Variants in GRXCR1 observed in about 807,000 individuals in gnomAD.
GRXCR1 encodes glutaredoxin and cysteine rich domain containing 1, also known as glutaredoxin domain-containing cysteine-rich protein 1.
A neutral mutation model predicts 27.3 loss-of-function variants in GRXCR1; 27 were observed. The ratio of observed to expected loss-of-function variants is 0.99; its 90% CI spans 0.73 to 1.37. The LOEUF (loss-of-function observed/expected upper bound fraction) is 1.37. Ranked by LOEUF, GRXCR1 falls within the 40% of genes most tolerant of loss-of-function variation. The probability of loss-of-function intolerance (pLI) is 0.00; values close to 1 mark genes in which losing one functional copy is unlikely to be tolerated. For missense variants in GRXCR1, 379 were observed against 354.4 expected, an observed-to-expected ratio of 1.07 and a Z score of -0.56; for synonymous variants, 122 against 131.1, an observed-to-expected ratio of 0.93 and a Z score of 0.47.
intron 1 of GRXCR1, among the ~76,000 whole-genome samples, chr4:42,903,666 C>T (rs1468822013): frequency 6.8e-6 from 1 of 147,830 alleles, no homozygotes; most frequent in East Asian, 2.3e-4. Flanking sequence ...TGCCCCTTCC[C>T]ATTTTTCTTT....
At chr4:42,918,094 C>T (rs1216136068) in intron 1 of GRXCR1, among the ~76,000 whole-genome samples, 1 of 152,108 alleles carries the variant, frequency 6.6e-6, no homozygotes, top group Non-Finnish European at 1.5e-5. Context: ...TGGTCTTTCT[C>T]ATAGTTCTGG....
chr4:42,987,119 A>T (rs1254748946), intron 2 of GRXCR1, among the ~76,000 whole-genome samples: 1 of 149,190 alleles, frequency 6.7e-6, no homozygotes, highest in Admixed American at 6.8e-5. Flanking sequence ...TAATGGTGAA[A>T]AAAAGATTTA....
intron 1 of GRXCR1, among the ~76,000 whole-genome samples, chr4:42,901,841 C>G (rs1746468708): frequency 6.6e-6 from 1 of 152,104 alleles, no homozygotes; most frequent in African/African-American, 2.4e-5. Flanking sequence ...TTCCACAGCC[C>G]TTGGCTTTGG....
intron 2 of GRXCR1, among the ~76,000 whole-genome samples, chr4:42,975,751 G>T (rs955043651): frequency 6.6e-6 from 1 of 151,976 alleles, no homozygotes; most frequent in Non-Finnish European, 1.5e-5. Flanking sequence ...CATTTGTTTG[G>T]CTATCTCCTC....
intron 2 of GRXCR1, among the ~76,000 whole-genome samples, chr4:42,999,710 T>C (rs1045634456): frequency 1.6e-4 from 25 of 152,214 alleles, no homozygotes; most frequent in Admixed American, 1.6e-3. Context: ...TAGGAATTGT[T>C]AAAAACCCAT....
chr4:42,985,567 T>G (rs967382813), intron 2 of GRXCR1, among the ~76,000 whole-genome samples: 1 of 152,044 alleles, frequency 6.6e-6, no homozygotes, highest in African/African-American at 2.4e-5. Flanking sequence ...ATTTCTGTTT[T>G]TATGAGCATA....
At chr4:43,022,789 G>T (rs895705524) in intron 3 of GRXCR1, among the ~76,000 whole-genome samples, 73 of 152,308 alleles carry the variant, frequency 4.8e-4, no homozygotes, top group African/African-American at 1.7e-3. Context: ...GTTGGCTTTT[G>T]ACAGTAGAGT....
At chr4:42,964,369 T>G (rs2109775901) in intron 2 of GRXCR1, among the ~76,000 whole-genome samples, 1 of 151,928 alleles carries the variant, frequency 6.6e-6, no homozygotes, top group South Asian at 2.1e-4. Context: ...AGCACTGGGG[T>G]CAGACAGACT....
At chr4:42,996,933 A>C (rs1712184917) in intron 2 of GRXCR1, among the ~76,000 whole-genome samples, 1 of 152,024 alleles carries the variant, frequency 6.6e-6, no homozygotes, top group Non-Finnish European at 1.5e-5. Flanking sequence ...TCTTTGTTAC[A>C]ATCTCTTGGC....
At chr4:42,942,341 T>A (rs956365169) in intron 1 of GRXCR1, among the ~76,000 whole-genome samples, 5 of 152,058 alleles carry the variant, frequency 3.3e-5, no homozygotes, top group African/African-American at 7.2e-5. Context: ...CACTCTATCT[T>A]CCCTCACAAA....
intron 1 of GRXCR1, among the ~76,000 whole-genome samples, chr4:42,959,210 G>A (rs1315824437): frequency 6.6e-6 from 1 of 151,678 alleles, no homozygotes; most frequent in African/African-American, 2.4e-5. Context: ...AAGAAATTGT[G>A]GTATATATAA....
At chr4:42,940,421 C>T (rs1175809737) in intron 1 of GRXCR1, among the ~76,000 whole-genome samples, 4 of 152,036 alleles carry the variant, frequency 2.6e-5, no homozygotes, top group East Asian at 3.9e-4. Context: ...CCAAAACTGA[C>T]TAATTTTCAG....
intron 1 of GRXCR1, among the ~76,000 whole-genome samples, chr4:42,905,545 G>A (rs911176449): frequency 2.9e-4 from 44 of 152,092 alleles, no homozygotes; most frequent in African/African-American, 1.0e-3. Context: ...TTTTTTTCGT[G>A]GCTTTATATA....
chr4:42,983,728 C>G, intron 2 of GRXCR1, among the ~76,000 whole-genome samples: 1 of 152,036 alleles, frequency 6.6e-6, no homozygotes, highest in African/African-American at 2.4e-5. Context: ...TTTTAATGCT[C>G]TGCCATAAAT....
intron 3 of GRXCR1, 79 bp downstream of exon 3, chr4:43,020,498 G>A: frequency 1.1e-6 from 1 of 889,894 alleles, no homozygotes. Flanking sequence ...TTTCCTAATT[G>A]AATTCTCTCT....
chr4:42,969,121 G>A (rs974454047), intron 2 of GRXCR1, among the ~76,000 whole-genome samples: 2 of 152,106 alleles, frequency 1.3e-5, no homozygotes, highest in African/African-American at 4.8e-5. Context: ...TTCTGTATGG[G>A]AGTGTTATTA....
intron 1 of GRXCR1, among the ~76,000 whole-genome samples, chr4:42,946,721 C>T (rs544945116): frequency 6.6e-6 from 1 of 152,224 alleles, no homozygotes; most frequent in Non-Finnish European, 1.5e-5. Context: ...GCACTAATCC[C>T]ATTCATGAGT....
At position 43,025,372 on chromosome 4, in the gene GRXCR1, C is replaced by T. The variant is rs114985257; in HGVS notation, c.693+4953C>T. On this transcript the variant is annotated intron_variant, in intron 3 of 3. Coordinates refer to ENST00000399770, the MANE Select transcript of GRXCR1 (RefSeq NM_001080476.3). ...TCCCATTGCCTTACACAGTGCCTGG[C>T]TAGTGAATACTCAATATATATTTGT... is the stretch of plus-strand genomic sequence containing the variant. 4.5e-3 allele frequency among the ~76,000 whole-genome samples: 679 copies of T among 152,266 alleles called. 9 individuals carry two copies. Among genetic ancestry groups the T allele is most frequent in the African/African-American group, 0.014 (570 of 41,564 alleles).
intron 2 of GRXCR1, among the ~76,000 whole-genome samples, chr4:43,002,321 G>T (rs1195278907): frequency 5.3e-5 from 8 of 151,156 alleles, no homozygotes; most frequent in Admixed American, 2.0e-4. Context: ...AAGGGCAGAG[G>T]TCCCTGCGGC....
Sources: allele counts gnomAD v4.1 joint callset (sites outside exome capture counted in the v4.1 genomes callset), GRCh38; gene constraint gnomAD v4.1.1; transcripts MANE v1.5; gene names NCBI Gene and HGNC (gene_info 2026-07-23, HGNC 2026-07-21).